The following CWC27 variants were observed in gnomAD, a reference collection of about 807,000 sequenced individuals.
CWC27 encodes CWC27 spliceosome associated cyclophilin.
Under a neutral mutation model 63.6 loss-of-function variants are expected in CWC27, and 47 were observed. The ratio of observed to expected loss-of-function variants is 0.74; its 90% confidence interval spans 0.58 to 0.94. The LOEUF (loss-of-function observed/expected upper bound fraction) is 0.94, where lower values mean the gene tolerates loss of function less well. Among genes scored for constraint, CWC27 ranks in the 40% least tolerant of loss-of-function variants. CWC27 has a pLI of 0.00. For synonymous variants in CWC27, 175 were observed against 179.8 expected (o/e 0.97, Z 0.22); for missense variants, 495 against 554.3 (o/e 0.89, Z 1.07).
chr5:64,867,497 A>T (rs1476714313), intron 10 of CWC27, among the ~76,000 whole-genome samples: 1 of 152,074 alleles, frequency 6.6e-6, no homozygotes, highest in Non-Finnish European at 1.5e-5. Flanking sequence ...ATTCCTAACA[A>T]CTAGCATAAC....
At chr5:64,805,549 T>TA (rs1488428149) in intron 10 of CWC27, among the ~76,000 whole-genome samples, 6 of 151,830 alleles carry the variant, frequency 4.0e-5, no homozygotes, top group African/African-American at 1.4e-4. Context: ...TTTCTGATTT[T>TA]AAAAAATTAT....
intron 11 of CWC27, among the ~76,000 whole-genome samples, chr5:64,934,955 G>T (rs57235380): frequency 1.3e-5 from 2 of 151,970 alleles, no homozygotes; most frequent in African/African-American, 4.8e-5. Context: ...AGGTCATTTG[G>T]TTTTTTCTTG....
At chr5:64,886,673 T>C (rs1419847548) in intron 11 of CWC27, among the ~76,000 whole-genome samples, 1 of 152,126 alleles carries the variant, frequency 6.6e-6, no homozygotes, top group Non-Finnish European at 1.5e-5. Flanking sequence ...ATTCTAAGAT[T>C]ATTTGTACAA....
chr5:64,790,051 G>T (rs1561407838), intron 7 of CWC27, among the ~76,000 whole-genome samples: 1 of 152,152 alleles, frequency 6.6e-6, no homozygotes, highest in East Asian at 1.9e-4. Context: ...AATACCCCTT[G>T]CATTAAAATG....
intron 13 of CWC27, among the ~76,000 whole-genome samples, chr5:65,014,109 A>G (rs1004242079): frequency 2.1e-4 from 32 of 151,070 alleles, no homozygotes; most frequent in Non-Finnish European, 8.9e-5. Context: ...GCCCCATACC[A>G]AAAAAACACC....
intron 11 of CWC27, among the ~76,000 whole-genome samples, chr5:64,940,468 A>G (rs770495397): frequency 6.6e-6 from 1 of 152,064 alleles, no homozygotes; most frequent in Non-Finnish European, 1.5e-5. Flanking sequence ...TCCCAATGAG[A>G]TGAACCAGTT....
At chr5:64,921,985 C>T (rs1476753461) in intron 11 of CWC27, among the ~76,000 whole-genome samples, 2 of 152,164 alleles carry the variant, frequency 1.3e-5, no homozygotes, top group Non-Finnish European at 2.9e-5. Flanking sequence ...AAAATAGGCC[C>T]CCAGTCACTT....
intron 13 of CWC27, among the ~76,000 whole-genome samples, chr5:64,995,209 C>T (rs1262469582): frequency 5.3e-5 from 8 of 151,868 alleles, no homozygotes; most frequent in South Asian, 2.1e-4. Flanking sequence ...TGGCCTCGAG[C>T]GATCCGCCCA....
intron 10 of CWC27, among the ~76,000 whole-genome samples, chr5:64,826,063 A>T (rs1172275595): frequency 7.2e-6 from 1 of 139,280 alleles, no homozygotes. Flanking sequence ...GTATAAGCTA[A>T]TTCTTTGTAA....
intron 10 of CWC27, among the ~76,000 whole-genome samples, chr5:64,877,798 A>G (rs1359229812): frequency 6.6e-6 from 1 of 151,976 alleles, no homozygotes; most frequent in African/African-American, 2.4e-5. Flanking sequence ...TGAAAACTGC[A>G]TGAAGAATTA....
Position 65,018,231 on chromosome 5 carries a change from A to G in CWC27, c.1329A>G (p.Thr443=), listed in dbSNP as rs1750084893. 1.9e-6 allele frequency: 3 copies of G among 1,610,028 alleles called. No homozygotes were observed. Among genetic ancestry groups the G allele is most frequent in the Admixed American group, 1.7e-5 (1 of 59,306 alleles). ...VKDASMQDSD[T]FEIYDPRNPV... ...ATGCAAGCATGCAAGACTCAGATACATTTGAAATCTATGATCCTCGGAATC... is the reference window on the plus strand; with the variant it reads ...ATGCAAGCATGCAAGACTCAGATACGTTTGAAATCTATGATCCTCGGAATC... The change falls in exon 14 of 14, where the codon ACA becomes ACG. Residue 443 remains threonine, a synonymous_variant. Transcript: ENST00000381070.
At chr5:64,923,556 C>T (rs1479376319) in intron 11 of CWC27, among the ~76,000 whole-genome samples, 1 of 148,364 alleles carries the variant, frequency 6.7e-6, no homozygotes, top group East Asian at 2.0e-4. Context: ...GTGGACTATG[C>T]TAGTTTACTC....
intron 13 of CWC27, among the ~76,000 whole-genome samples, chr5:64,993,010 C>T (rs1749565514): frequency 6.6e-6 from 1 of 152,130 alleles, no homozygotes; most frequent in African/African-American, 2.4e-5. Flanking sequence ...ATCAGAATGC[C>T]TGGGTTCAAA....
intron 1 of CWC27, 138 bp from the exon 2 acceptor site, chr5:64,774,553 A>G (rs543202812): frequency 4.2e-6 from 2 of 477,782 alleles, no homozygotes; most frequent in South Asian, 8.1e-5. Flanking sequence ...TGTTGAGTAT[A>G]TCAACAAAAG....
At chr5:64,991,714 C>T (rs1208630235) in intron 13 of CWC27, among the ~76,000 whole-genome samples, 1 of 152,092 alleles carries the variant, frequency 6.6e-6, no homozygotes, top group East Asian at 1.9e-4. Flanking sequence ...CAACAGAGAC[C>T]CTGTCTCTAA....
In CWC27 at chr5:64,836,860, C is replaced by G. The variant is rs528830100; in HGVS notation, c.938+32474C>G. On this transcript the variant is annotated intron_variant, in intron 10 of 13. Transcript: ENST00000381070. ...GGTGGAACCCAGAAAATGTGCCCATCATTGAGTGCTCTAAGTTTAGCTGAG... is the reference window on the plus strand; with the variant it reads ...GGTGGAACCCAGAAAATGTGCCCATGATTGAGTGCTCTAAGTTTAGCTGAG... 2.1e-4 allele frequency among the ~76,000 whole-genome samples: 32 copies of G among 152,152 alleles called. 1 individual carries two copies. The highest frequency in any genetic ancestry group is 3.3e-4 in the Admixed American group (5 of 15,260).
chr5:64,959,826 A>C (rs1192860683), intron 11 of CWC27, among the ~76,000 whole-genome samples: 1 of 152,186 alleles, frequency 6.6e-6, no homozygotes, highest in African/African-American at 2.4e-5. Context: ...TTCAGCTACT[A>C]TTTATTTAGC....
intron 11 of CWC27, among the ~76,000 whole-genome samples, chr5:64,917,935 T>C (rs1747922194): frequency 6.6e-6 from 1 of 150,728 alleles, no homozygotes; most frequent in Non-Finnish European, 1.5e-5. Flanking sequence ...GAGAGATACA[T>C]ACACACACAC....
intron 11 of CWC27, among the ~76,000 whole-genome samples, chr5:64,962,505 A>G (rs1748935366): frequency 6.6e-6 from 1 of 152,192 alleles, no homozygotes; most frequent in South Asian, 2.1e-4. Flanking sequence ...GGTAGGAACT[A>G]AAAATCTGTC....
Sources: gnomAD v4.1 joint callset for allele counts (sites outside exome capture counted in the v4.1 genomes callset) on GRCh38, gnomAD v4.1.1 for gene constraint, MANE v1.5 for transcripts, NCBI Gene and HGNC (gene_info 2026-07-23, HGNC 2026-07-21) for gene names.